EHF: variants seen among roughly 807,000 people sequenced by gnomAD.
The protein encoded by EHF is ETS homologous factor, also known as ESE3 transcription factor.
A neutral mutation model predicts 45.1 loss-of-function variants in EHF; 14 were observed. That is an observed-to-expected ratio of 0.31 (90% CI 0.21 to 0.49). The LOEUF (loss-of-function observed/expected upper bound fraction) is 0.49, where lower values mean the gene tolerates loss of function less well. Ranked by LOEUF, EHF falls within the 20% of genes least tolerant of loss-of-function variation. EHF has a pLI of 0.99. For missense variants in EHF, 282 were observed against 371.4 expected, an observed-to-expected ratio of 0.76 and a Z score of 1.98; for synonymous variants, 136 against 131.8, an observed-to-expected ratio of 1.03 and a Z score of -0.22.
chr11:34,630,250 C>T (rs1455019568), intron 1 of EHF, among the ~76,000 whole-genome samples: 1 of 152,184 alleles, frequency 6.6e-6, no homozygotes, highest in Non-Finnish European at 1.5e-5. Context: ...TTTCCCCACC[C>T]CTTCCCAAGT....
intron 3 of EHF, 55 bp downstream of exon 3, chr11:34,646,739 TAG>T: frequency 6.3e-7 from 1 of 1,593,752 alleles, no homozygotes; most frequent in Non-Finnish European, 8.5e-7. Context: ...GCTGGAAGAA[TAG>T]AGATTCTGCA....
At position 34,663,220 on chromosome 11, in the gene EHF, C is replaced by T. The variant is rs1391934446; in HGVS notation, c.*4289C>T. On this transcript the variant is annotated 3_prime_UTR_variant, in exon 9 of 9. Coordinates refer to ENST00000257831, the MANE Select transcript of EHF (RefSeq NM_012153.6). Reference sequence around the variant, plus strand: ...TGTTTTGTCAAAGAATTATATTTTTCAAAATATGTTTATTTGTTTGATGGG... The same window carrying T: ...TGTTTTGTCAAAGAATTATATTTTTTAAAATATGTTTATTTGTTTGATGGG... Among the ~76,000 whole-genome samples the T allele has an allele frequency of 1.3e-5, 2 of 151,958 alleles. No homozygotes were observed. The highest frequency in any genetic ancestry group is 4.8e-5 in the African/African-American group (2 of 41,364).
intron 1 of EHF, among the ~76,000 whole-genome samples, chr11:34,632,928 C>T (rs1452532711): frequency 1.3e-5 from 2 of 152,086 alleles, no homozygotes; most frequent in Non-Finnish European, 2.9e-5. Flanking sequence ...ATTGTAATGG[C>T]CGGATAAGCA....
rs149212500 is a variant in EHF at position 34,631,598 on chromosome 11, G to A, written c.-4+10370G>A. On this transcript the variant is annotated intron_variant, in intron 1 of 8. Coordinates refer to ENST00000257831, the MANE Select transcript of EHF (RefSeq NM_012153.6). ...TGAGGCCTCAAATCTCTTGGCAGGA[G>A]ATGAGTGGGTCTACACAGCCCGATT... 3.0e-6 allele frequency: 3 copies of A among 984,106 alleles called. No individual in the cohort carries two copies. In the East Asian group the frequency reaches 3.4e-4, roughly 112 times the overall value. 61.0% of individuals were successfully genotyped at this position (984,106 alleles called of 1,614,324 possible). A position where few individuals can be genotyped will look rare whatever the true frequency, so the allele number is the denominator to read the frequency against.
rs182480370 is a variant in EHF, at chr11:34,663,034, T to C, written c.*4103T>C. 6.1e-4 allele frequency among the ~76,000 whole-genome samples: 93 copies of C among 152,258 alleles called. No homozygotes were observed. The highest frequency in any genetic ancestry group is 1.0e-3 in the South Asian group (5 of 4,816). The stretch of plus-strand genomic sequence containing the variant: ...CAAGCCTTCACAAGTTTAACTAAAT[T>C]GGGATTAATCTTTCTGTAGTTATCT... On this transcript the variant is annotated 3_prime_UTR_variant, in exon 9 of 9. Coordinates refer to ENST00000257831, the MANE Select transcript of EHF (RefSeq NM_012153.6).
At chr11:34,637,417 T>C (rs547143527) in intron 1 of EHF, among the ~76,000 whole-genome samples, 2 of 152,304 alleles carry the variant, frequency 1.3e-5, no homozygotes, top group Admixed American at 6.5e-5. Context: ...CGGGAGTTTG[T>C]GTGTACCTGA....
chr11:34,659,183 G>A lies in EHF; in HGVS notation c.*252G>A, dbSNP rs1855929389. 1 of 332,658 alleles carries A rather than the reference G, an allele frequency of 3.0e-6. No individual in the cohort carries two copies. The allele number at this position is 332,658 out of a possible 1,614,324, so 20.6% of individuals were successfully genotyped here. On this transcript the variant is annotated 3_prime_UTR_variant, in exon 9 of 9. Transcript: ENST00000257831. ...GTGAAATATGATGCTGTATGTGGTTGTGATTTTTTTTCACCTCTATTGTGA... is the reference window on the plus strand; with the variant it reads ...GTGAAATATGATGCTGTATGTGGTTATGATTTTTTTTCACCTCTATTGTGA...
At position 34,651,888 on chromosome 11, in the gene EHF, C is replaced by A. The variant is rs113581561; in HGVS notation, c.544+83C>A. On this transcript the variant is annotated intron_variant, in intron 6 of 8. Transcript: ENST00000257831. ...GAATTACCAACACTCTACATTTCTG[C>A]CTTTCTGGAGTCTTTCTAATTAAAG... 6.5e-4 allele frequency: 872 copies of A among 1,347,674 alleles called. 9 individuals are homozygous for A. In the African/African-American group the frequency reaches 0.011, roughly 17 times the overall value. 83.5% of individuals were successfully genotyped at this position (1,347,674 alleles called of 1,614,324 possible).
At chr11:34,629,118 G>A (rs1852643497) in intron 1 of EHF, among the ~76,000 whole-genome samples, 1 of 152,166 alleles carries the variant, frequency 6.6e-6, no homozygotes, top group South Asian at 2.1e-4. Context: ...AACCTCTGGT[G>A]GAAAGCTATG....
At position 34,632,709 on chromosome 11, in the gene EHF, T is replaced by A; in HGVS notation, c.-3-9919T>A. ...CCCGGCTCTCTCTGCTCTTGCCCCATTCCATTCACAACAGGAGGTGGGGAA... is the reference window on the plus strand; with the variant it reads ...CCCGGCTCTCTCTGCTCTTGCCCCAATCCATTCACAACAGGAGGTGGGGAA... On this transcript the variant is annotated intron_variant, in intron 1 of 8. Transcript: ENST00000257831. The A allele has an allele frequency of 2.0e-6, 3 of 1,524,354 alleles. No homozygotes were observed. The South Asian group carries it at 3.6e-5, about 18-fold the overall frequency. 94.4% of individuals were successfully genotyped at this position (1,524,354 alleles called of 1,614,324 possible). A position where few individuals can be genotyped will look rare whatever the true frequency, so the allele number is the denominator to read the frequency against.
chr11:34,659,062 T>A lies in EHF; in HGVS notation c.*131T>A, dbSNP rs1204392337. 1.5e-6 allele frequency: 1 copy of A among 658,668 alleles called. No individual in the cohort carries two copies. Among genetic ancestry groups the A allele is most frequent in the Non-Finnish European group, 2.5e-6 (1 of 399,762 alleles). 40.8% of individuals were successfully genotyped at this position (658,668 alleles called of 1,614,324 possible). On this transcript the variant is annotated 3_prime_UTR_variant, in exon 9 of 9. Coordinates refer to ENST00000257831, the MANE Select transcript of EHF (RefSeq NM_012153.6). ...TACCATGAGGGGAACAAGAAACTAC[T>A]TCTAACGGGAAGAAGAAACACTACG...
rs1856130864 is a variant in EHF, at chr11:34,662,272, A to G, written c.*3341A>G. On this transcript the variant is annotated 3_prime_UTR_variant, in exon 9 of 9. Transcript: ENST00000257831. ...ATCATTTCTTCAGTGGAATAAGAGCACAACGGCACAACCTTCAAGGACATA... is the reference window on the plus strand; with the variant it reads ...ATCATTTCTTCAGTGGAATAAGAGCGCAACGGCACAACCTTCAAGGACATA... Among the ~76,000 whole-genome samples the G allele has an allele frequency of 6.6e-6, 1 of 152,164 alleles. No individual in the cohort carries two copies. Among genetic ancestry groups the G allele is most frequent in the African/African-American group, 2.4e-5 (1 of 41,458 alleles).
Position 34,658,943 on chromosome 11 carries a change from CT to C in EHF, c.*15del. ...AAAATGAAAACTGAAGCTGCCAATA[CT>C]TTGGACACAAACCAAAACACACACC... is the stretch of plus-strand genomic sequence containing the variant. On this transcript the variant is annotated 3_prime_UTR_variant, in exon 9 of 9. Transcript: ENST00000257831. The C allele has an allele frequency of 6.3e-7, 1 of 1,599,334 alleles. No individual in the cohort carries two copies. The highest frequency in any genetic ancestry group is 8.5e-7 in the Non-Finnish European group (1 of 1,171,360).
At chr11:34,623,632 C>G (rs1385546433) in intron 1 of EHF, among the ~76,000 whole-genome samples, 3 of 152,140 alleles carry the variant, frequency 2.0e-5, no homozygotes, top group Non-Finnish European at 4.4e-5. Context: ...ATTCAATTAG[C>G]GAATTGGAAA....
rs1020271359 is a variant in EHF, at chr11:34,631,458, T to C, written c.-4+10230T>C. 2 of 550,902 alleles carry C rather than the reference T, an allele frequency of 3.6e-6. 1 individual carries two copies. The highest frequency in any genetic ancestry group is 1.3e-4 in the Admixed American group (2 of 15,724). The allele number at this position is 550,902 out of a possible 1,614,324, so 34.1% of individuals were successfully genotyped here. On this transcript the variant is annotated intron_variant, in intron 1 of 8. Coordinates refer to ENST00000257831, the MANE Select transcript of EHF (RefSeq NM_012153.6). ...TTGTTTAGCTCCTTGTGGCCCTTTT[T>C]GGACTTAGCTTATCATGTGACATTG...
Position 34,663,235 on chromosome 11 carries a change from T to A in EHF, c.*4304T>A, listed in dbSNP as rs1443192336. On this transcript the variant is annotated 3_prime_UTR_variant, in exon 9 of 9. Transcript: ENST00000257831. ...TTATATTTTTCAAAATATGTTTATT[T>A]GTTTGATGGGTCCCAGGAAACACTA... Among the ~76,000 whole-genome samples, 1 of 152,176 alleles carries A rather than the reference T, an allele frequency of 6.6e-6. No homozygotes were observed. The highest frequency in any genetic ancestry group is 1.5e-5 in the Non-Finnish European group (1 of 68,028).
intron 1 of EHF, among the ~76,000 whole-genome samples, chr11:34,626,025 T>G (rs1282235341): frequency 1.2e-4 from 19 of 152,212 alleles, no homozygotes; most frequent in Admixed American, 1.2e-3. Flanking sequence ...AGTAGTTGGA[T>G]TTTTAGACTA....
At chr11:34,654,057 C>T (rs1403789898) in intron 6 of EHF, among the ~76,000 whole-genome samples, 3 of 152,196 alleles carry the variant, frequency 2.0e-5, no homozygotes, top group African/African-American at 4.8e-5. Context: ...TAGGGTGGCA[C>T]GGTCTATTAG....
chr11:34,646,423 G>C lies in EHF; in HGVS notation c.98-16G>C, dbSNP rs368291690. On this transcript the variant is annotated splice_polypyrimidine_tract_variant and intron_variant, in intron 2 of 8. Transcript: ENST00000257831. Reference sequence around the variant, plus strand: ...ACAGCCAGGGGTCACTCATGAGGCTGCTTCCTGTTTTGCAGTTTCCAGTGG... The same window carrying C: ...ACAGCCAGGGGTCACTCATGAGGCTCCTTCCTGTTTTGCAGTTTCCAGTGG... 1 of 1,613,590 alleles carries C rather than the reference G, an allele frequency of 6.2e-7. No homozygotes were observed. Among genetic ancestry groups the C allele is most frequent in the South Asian group, 1.1e-5 (1 of 91,008 alleles).
Sources: allele counts gnomAD v4.1 joint callset (sites outside exome capture counted in the v4.1 genomes callset), GRCh38; gene constraint gnomAD v4.1.1; transcripts MANE v1.5; gene names NCBI Gene and HGNC (gene_info 2026-07-23, HGNC 2026-07-21).